NR1H4: variants seen among roughly 807,000 people sequenced by gnomAD.
NR1H4 encodes the protein nuclear receptor subfamily 1 group H member 4.
A neutral mutation model predicts 58.5 loss-of-function variants in NR1H4; 23 were observed. The ratio of observed to expected loss-of-function variants is 0.39; its 90% CI spans 0.28 to 0.56. The LOEUF (loss-of-function observed/expected upper bound fraction) is 0.56, where lower values mean the gene tolerates loss of function less well. NR1H4 is among the 20% of genes least tolerant of loss of function. The probability of loss-of-function intolerance (pLI) is 0.58; values close to 1 mark genes in which losing one functional copy is unlikely to be tolerated. For missense variants in NR1H4, 487 were observed against 576.9 expected (o/e 0.84, Z 1.60); for synonymous variants, 214 against 198.0 (o/e 1.08, Z -0.68).
At chr12:100,554,179 G>A (rs7308830) in intron 9 of NR1H4, among the ~76,000 whole-genome samples, 6,794 of 152,284 alleles carry the variant, frequency 0.045, 459 homozygotes, top group African/African-American at 0.15. Context: ...AGGCAGATGT[G>A]GCTTTGTGTG....
chr12:100,479,800 GTGT>G (rs1311680465), intron 1 of NR1H4, among the ~76,000 whole-genome samples: 1 of 152,196 alleles, frequency 6.6e-6, no homozygotes, highest in Admixed American at 6.5e-5. Flanking sequence ...CACTGGGCTT[GTGT>G]TGTTCTTCCA....
rs115695712 is a variant in NR1H4, at chr12:100,509,973, A to G, written c.80-805A>G. On this transcript the variant is annotated intron_variant, in intron 3 of 10. Coordinates refer to ENST00000392986, the MANE Select transcript of NR1H4 (RefSeq NM_001206979.2). ...GTGTTTAATACCGATGTGAATATAC[A>G]CATTGGTCTATAGCTTACCTTTTTC... Among the ~76,000 whole-genome samples, 658 of 152,344 alleles carry G rather than the reference A, an allele frequency of 4.3e-3. 8 individuals are homozygous for G. Among genetic ancestry groups the G allele is most frequent in the African/African-American group, 0.015 (638 of 41,576 alleles).
intron 3 of NR1H4, among the ~76,000 whole-genome samples, chr12:100,496,139 G>A (rs970093814): frequency 2.0e-5 from 3 of 152,134 alleles, no homozygotes; most frequent in African/African-American, 4.8e-5. Context: ...CTGACAATAC[G>A]CTGGGCCTTG....
intron 1 of NR1H4, among the ~76,000 whole-genome samples, chr12:100,483,847 G>GC: frequency 6.6e-6 from 1 of 152,120 alleles, no homozygotes; most frequent in African/African-American, 2.4e-5. Flanking sequence ...AGCTGGGTGT[G>GC]GTGGTGCATG....
At chr12:100,558,512 C>T (rs889613276) in intron 9 of NR1H4, among the ~76,000 whole-genome samples, 2 of 152,218 alleles carry the variant, frequency 1.3e-5, no homozygotes, top group Non-Finnish European at 2.9e-5. Context: ...CATGTGCCCA[C>T]TGCACCCAGC....
chr12:100,555,828 G>T (rs1360410123), intron 9 of NR1H4, among the ~76,000 whole-genome samples: 1 of 152,132 alleles, frequency 6.6e-6, no homozygotes, highest in Non-Finnish European at 1.5e-5. Context: ...TTAACCACTA[G>T]GTTTGCTGGA....
chr12:100,479,532 C>T (rs1344228542), intron 1 of NR1H4, among the ~76,000 whole-genome samples: 1 of 152,230 alleles, frequency 6.6e-6, no homozygotes, highest in Non-Finnish European at 1.5e-5. Context: ...GCTATTTTCC[C>T]TTCCTATAGC....
At chr12:100,523,981 A>T (rs1954492013) in intron 4 of NR1H4, among the ~76,000 whole-genome samples, 1 of 152,240 alleles carries the variant, frequency 6.6e-6, no homozygotes, top group Non-Finnish European at 1.5e-5. Context: ...ATATAAAATC[A>T]GTAAAAGAGT....
intron 9 of NR1H4, among the ~76,000 whole-genome samples, chr12:100,549,182 C>CA (rs1955148730): frequency 6.6e-6 from 1 of 151,946 alleles, no homozygotes; most frequent in South Asian, 2.1e-4. Flanking sequence ...ACTAAAAATA[C>CA]AAAAAATTAG....
chr12:100,556,738 A>G (rs1266410662), intron 9 of NR1H4, among the ~76,000 whole-genome samples: 4 of 152,202 alleles, frequency 2.6e-5, no homozygotes, highest in Non-Finnish European at 5.9e-5. Flanking sequence ...AAACTTAGTC[A>G]ACTCAGATTA....
intron 1 of NR1H4, among the ~76,000 whole-genome samples, chr12:100,481,267 GA>G (rs924566528): frequency 6.1e-5 from 9 of 146,790 alleles, no homozygotes; most frequent in East Asian, 2.0e-4. Flanking sequence ...TTAAGTATTT[GA>G]AAAAAAAAAT....
rs558682518 is a variant in NR1H4 at position 100,554,336 on chromosome 12, T to C, written c.1079-7549T>C. The stretch of plus-strand genomic sequence containing the variant: ...GAGGACGTCATCAGAATAAGTCATA[T>C]AGAGGTATTTAAGATACTAGGATAT... On this transcript the variant is annotated intron_variant, in intron 9 of 10. Transcript: ENST00000392986. 6.6e-5 allele frequency among the ~76,000 whole-genome samples: 10 copies of C among 152,128 alleles called. 1 individual carries two copies. The East Asian group carries it at 1.9e-3, about 30-fold the overall frequency.
chr12:100,512,114 T>C (rs796254373), intron 4 of NR1H4, among the ~76,000 whole-genome samples: 1 of 151,710 alleles, frequency 6.6e-6, no homozygotes, highest in South Asian at 2.1e-4. Flanking sequence ...ACGCATGTTG[T>C]CCCAGCTACT....
At position 100,531,378 on chromosome 12, in the gene NR1H4, C is replaced by G. The variant is rs182516245; in HGVS notation, c.446-1080C>G. ...GGGTGAGGCAGGAGAATCCATTGAA[C>G]CTGGGAGGCAGAGACTGCATGAGCT... On this transcript the variant is annotated intron_variant, in intron 4 of 10. Transcript: ENST00000392986. Among the ~76,000 whole-genome samples the G allele has an allele frequency of 3.3e-5, 5 of 152,238 alleles. No individual in the cohort carries two copies. The East Asian group carries it at 5.8e-4, about 18-fold the overall frequency.
intron 4 of NR1H4, among the ~76,000 whole-genome samples, chr12:100,512,850 T>G (rs1177354553): frequency 1.3e-5 from 2 of 152,210 alleles, no homozygotes; most frequent in East Asian, 1.9e-4. Flanking sequence ...GGTTCCCTGA[T>G]GTTGGTGGTT....
At chr12:100,511,365 T>G (rs79903125) in intron 4 of NR1H4, among the ~76,000 whole-genome samples, 10,454 of 152,266 alleles carry the variant, frequency 0.069, 681 homozygotes, top group African/African-American at 0.16. Context: ...AGTATCTAGC[T>G]TAGAGTGTTT....
intron 3 of NR1H4, chr12:100,505,709 C>A: frequency 1.6e-6 from 1 of 635,386 alleles, no homozygotes; most frequent in South Asian, 1.8e-5. Context: ...ATAAAGATTC[C>A]TAAATCTAAA....
Position 100,500,448 on chromosome 12 carries a change from G to A in NR1H4, c.79+7046G>A, listed in dbSNP as rs902558400. Among the ~76,000 whole-genome samples, 27 of 152,202 alleles carry A rather than the reference G, an allele frequency of 1.8e-4. 1 individual carries two copies. In the South Asian group the frequency reaches 2.7e-3, roughly 15 times the overall value. On this transcript the variant is annotated intron_variant, in intron 3 of 10. Transcript: ENST00000392986. ...GAAGGAAATGTTCTAGCTCTACTTCGTCCAATACAGTAGCCACTATTCGCA... is the reference window on the plus strand; with the variant it reads ...GAAGGAAATGTTCTAGCTCTACTTCATCCAATACAGTAGCCACTATTCGCA...
At chr12:100,545,036 T>C (rs1955026929) in intron 9 of NR1H4, among the ~76,000 whole-genome samples, 1 of 152,156 alleles carries the variant, frequency 6.6e-6, no homozygotes, top group Admixed American at 6.5e-5. Context: ...ATTGAAATGT[T>C]TTGATGAGAG....
Sources: allele counts gnomAD v4.1 joint callset (sites outside exome capture counted in the v4.1 genomes callset), GRCh38; gene constraint gnomAD v4.1.1; transcripts MANE v1.5; gene names NCBI Gene and HGNC (gene_info 2026-07-23, HGNC 2026-07-21).